Variants in SSBP2 observed in about 807,000 individuals in gnomAD.
The protein encoded by SSBP2 is single stranded DNA binding protein 2.
In SSBP2, 17 loss-of-function variants were observed where a neutral mutation model predicts 61.8. The observed-to-expected ratio is 0.28, with a 90% CI of 0.19 to 0.41. The LOEUF is 0.41. Ranked by LOEUF, SSBP2 falls within the 10% of genes least tolerant of loss-of-function variation. SSBP2 has a pLI of 1.00. For missense variants in SSBP2, 310 were observed against 458.7 expected, an observed-to-expected ratio of 0.68 and a Z score of 2.96; for synonymous variants, 139 against 141.3, an observed-to-expected ratio of 0.98 and a Z score of 0.12.
intron 1 of SSBP2, among the ~76,000 whole-genome samples, chr5:81,694,983 G>GAGCA (rs1753494164): frequency 6.6e-6 from 1 of 152,120 alleles, no homozygotes; most frequent in African/African-American, 2.4e-5. Flanking sequence ...ATGGGCAACA[G>GAGCA]AGCAAGACTC....
intron 6 of SSBP2, among the ~76,000 whole-genome samples, 168 bp downstream of exon 6, chr5:81,489,082 A>C (rs2154052111): frequency 6.6e-6 from 1 of 152,234 alleles, no homozygotes; most frequent in African/African-American, 2.4e-5. Flanking sequence ...ATTTATAAAA[A>C]ATAGCTAGCT....
intron 4 of SSBP2, among the ~76,000 whole-genome samples, chr5:81,527,517 T>A (rs1320777595): frequency 6.6e-6 from 1 of 151,718 alleles, no homozygotes; most frequent in Non-Finnish European, 1.5e-5. Flanking sequence ...AGGGAAGGAG[T>A]GAAAGACAGG....
rs56053770 is a variant in SSBP2 at position 81,412,861 on chromosome 5, G to GT, written c.*7642dup. On this transcript the variant is annotated 3_prime_UTR_variant, in exon 17 of 17. Transcript: ENST00000320672. The stretch of plus-strand genomic sequence containing the variant: ...ACATATCTATTTGCTAATAACATTA[G>GT]TTTTTTTTTGGCATTCCATGTTTAG... Among the ~76,000 whole-genome samples, 22,617 of 151,376 alleles carry GT rather than the reference G, an allele frequency of 0.15. 2,135 individuals carry two copies. Among genetic ancestry groups the GT allele is most frequent in the Admixed American group, 0.2 (3,102 of 15,144 alleles).
At chr5:81,668,217 T>A (rs1751308089) in intron 1 of SSBP2, among the ~76,000 whole-genome samples, 1 of 113,938 alleles carries the variant, frequency 8.8e-6, no homozygotes, top group Admixed American at 1.2e-4. Context: ...CACTACCCAG[T>A]AGACTTAAAG....
chr5:81,578,358 T>A (rs1405981323), intron 4 of SSBP2, among the ~76,000 whole-genome samples: 1 of 151,952 alleles, frequency 6.6e-6, no homozygotes, highest in Non-Finnish European at 1.5e-5. Flanking sequence ...CCAGAGAACG[T>A]CAGTGCTTGG....
At chr5:81,700,485 A>G (rs1468741964) in intron 1 of SSBP2, among the ~76,000 whole-genome samples, 1 of 152,214 alleles carries the variant, frequency 6.6e-6, no homozygotes, top group Non-Finnish European at 1.5e-5. Flanking sequence ...CAGAATAAGC[A>G]TTGGCTTCAG....
rs1209548770 is a variant in SSBP2 at position 81,576,028 on chromosome 5, C to T, written c.282+39445G>A. 2.0e-5 allele frequency among the ~76,000 whole-genome samples: 3 copies of T among 152,144 alleles called. No homozygotes were observed. In the East Asian group the frequency reaches 5.8e-4, roughly 29 times the overall value. On this transcript the variant is annotated intron_variant, in intron 4 of 16. Coordinates refer to ENST00000320672, the MANE Select transcript of SSBP2 (RefSeq NM_012446.5). ...TGACAGAGATGCTTTAGTTCAATTC[C>T]CCATATGTAAAAGAAGAGATAACTG...
chr5:81,710,444 T>C (rs1478173197), intron 1 of SSBP2, among the ~76,000 whole-genome samples: 1 of 152,056 alleles, frequency 6.6e-6, no homozygotes, highest in Non-Finnish European at 1.5e-5. Context: ...AGATGATGAA[T>C]TTTTAAATGT....
At chr5:81,631,463 T>C (rs1397186437) in intron 3 of SSBP2, among the ~76,000 whole-genome samples, 2 of 150,058 alleles carry the variant, frequency 1.3e-5, no homozygotes, top group Admixed American at 1.3e-4. Flanking sequence ...GAAATTCTTT[T>C]AATAGAAGAA....
intron 1 of SSBP2, among the ~76,000 whole-genome samples, chr5:81,711,079 C>T (rs916855312): frequency 6.6e-6 from 1 of 151,980 alleles, no homozygotes; most frequent in African/African-American, 2.4e-5. Flanking sequence ...TCTGATTCTT[C>T]CCTTTCAGGC....
chr5:81,579,325 G>A (rs1239754057), intron 4 of SSBP2, among the ~76,000 whole-genome samples: 1 of 151,942 alleles, frequency 6.6e-6, no homozygotes, highest in Non-Finnish European at 1.5e-5. Context: ...TGACATCCAA[G>A]TACAAATGTC....
At position 81,591,453 on chromosome 5, in the gene SSBP2, T is replaced by C. The variant is rs961655277; in HGVS notation, c.282+24020A>G. ...CTGTCAACAGACAAACAAATACATATAAACACTGATACAACAAAGTTATTG... is the reference window on the plus strand; with the variant it reads ...CTGTCAACAGACAAACAAATACATACAAACACTGATACAACAAAGTTATTG... On this transcript the variant is annotated intron_variant, in intron 4 of 16. Coordinates refer to ENST00000320672, the MANE Select transcript of SSBP2 (RefSeq NM_012446.5). Among the ~76,000 whole-genome samples the C allele has an allele frequency of 4.6e-5, 7 of 152,028 alleles. No individual in the cohort carries two copies. The South Asian group carries it at 1.2e-3, about 27-fold the overall frequency.
chr5:81,501,216 T>A (rs1347754310), intron 5 of SSBP2, among the ~76,000 whole-genome samples: 2 of 5,666 alleles, frequency 3.5e-4, no homozygotes, highest in Non-Finnish European at 5.9e-4. Flanking sequence ...ATCTCAAATA[T>A]ATATATATAT....
chr5:81,624,860 G>A (rs1371579476), intron 3 of SSBP2, among the ~76,000 whole-genome samples: 1 of 152,012 alleles, frequency 6.6e-6, no homozygotes, highest in Admixed American at 6.6e-5. Context: ...TTTTCTTCCA[G>A]TAATATTTCA....
At chr5:81,593,352 A>C (rs1034037893) in intron 4 of SSBP2, among the ~76,000 whole-genome samples, 2 of 152,202 alleles carry the variant, frequency 1.3e-5, no homozygotes, top group Non-Finnish European at 2.9e-5. Context: ...GAAAAGACCA[A>C]ATCTACGTCT....
chr5:81,415,224 C>T lies in SSBP2; in HGVS notation c.*5280G>A, dbSNP rs1580618069. On this transcript the variant is annotated 3_prime_UTR_variant, in exon 17 of 17. Transcript: ENST00000320672. ...CCATACTGGATTACTCCCTCCCATA[C>T]TATACATTCACTGGCCACTTGTATC... 6.6e-6 allele frequency: 1 copy of T among 152,212 alleles called. No individual in the cohort carries two copies. The highest frequency in any genetic ancestry group is 6.5e-5 in the Admixed American group (1 of 15,284). 9.4% of individuals were successfully genotyped at this position (152,212 alleles called of 1,614,324 possible).
At chr5:81,565,278 T>A (rs1194526920) in intron 4 of SSBP2, among the ~76,000 whole-genome samples, 1 of 152,074 alleles carries the variant, frequency 6.6e-6, no homozygotes, top group African/African-American at 2.4e-5. Flanking sequence ...CAAAAGCAAA[T>A]GCCTATGAGT....
intron 3 of SSBP2, among the ~76,000 whole-genome samples, chr5:81,635,002 G>T (rs1748069460): frequency 1.3e-5 from 2 of 152,206 alleles, no homozygotes; most frequent in African/African-American, 4.8e-5. Context: ...AGGGATGTGT[G>T]TGTGTTTTAT....
intron 1 of SSBP2, among the ~76,000 whole-genome samples, chr5:81,650,800 G>T (rs1366815972): frequency 6.6e-6 from 1 of 152,096 alleles, no homozygotes; most frequent in East Asian, 1.9e-4. Flanking sequence ...AACTTGCGTT[G>T]AATATCCATT....
Sources: allele counts gnomAD v4.1 joint callset (sites outside exome capture counted in the v4.1 genomes callset), GRCh38; gene constraint gnomAD v4.1.1; transcripts MANE v1.5; gene names NCBI Gene and HGNC (gene_info 2026-07-23, HGNC 2026-07-21).